Variants in GALNT17 observed in about 807,000 individuals in gnomAD.
The protein encoded by GALNT17 is UDP-GalNAc:polypeptide N-acetylgalactosaminyltransferase-like 3.
Under a neutral mutation model 63.7 loss-of-function variants are expected in GALNT17, and 29 were observed. The observed-to-expected ratio is 0.46, with a 90% confidence interval of 0.34 to 0.62. The LOEUF (loss-of-function observed/expected upper bound fraction) is 0.62. GALNT17 is among the 20% of genes least tolerant of loss of function. The pLI, the probability that GALNT17 is intolerant of heterozygous loss-of-function variation, is 0.01. For missense variants in GALNT17, 603 were observed against 799.6 expected, an observed-to-expected ratio of 0.75 and a Z score of 2.97; for synonymous variants, 305 against 318.3, an observed-to-expected ratio of 0.96 and a Z score of 0.45.
intron 5 of GALNT17, among the ~76,000 whole-genome samples, chr7:71,514,126 T>C (rs1467914432): frequency 6.6e-6 from 1 of 151,972 alleles, no homozygotes; most frequent in African/African-American, 2.4e-5. Context: ...GCCCAGGAGG[T>C]CAAGGATGCA....
intron 3 of GALNT17, among the ~76,000 whole-genome samples, chr7:71,400,072 TG>T (rs1793212830): frequency 6.6e-6 from 1 of 152,186 alleles, no homozygotes; most frequent in Non-Finnish European, 1.5e-5. Context: ...CATGGTGGTT[TG>T]CTGCACCCAT....
chr7:71,508,474 G>C (rs1788301504), intron 5 of GALNT17, among the ~76,000 whole-genome samples: 1 of 152,156 alleles, frequency 6.6e-6, no homozygotes, highest in South Asian at 2.1e-4. Context: ...TGGCTAAACA[G>C]TGAGAGCATT....
intron 5 of GALNT17, among the ~76,000 whole-genome samples, chr7:71,549,852 G>T (rs936244293): frequency 2.0e-5 from 3 of 151,870 alleles, no homozygotes; most frequent in Non-Finnish European, 4.4e-5. Context: ...GAGGTTCTGA[G>T]AGAAAGTAGA....
At chr7:71,350,433 C>T (rs1792169606) in intron 2 of GALNT17, among the ~76,000 whole-genome samples, 1 of 151,984 alleles carries the variant, frequency 6.6e-6, no homozygotes, top group South Asian at 2.1e-4. Context: ...TGCTAACATA[C>T]ATCTGACCCT....
chr7:71,566,973 G>A (rs930911466), intron 5 of GALNT17, among the ~76,000 whole-genome samples: 2 of 152,158 alleles, frequency 1.3e-5, no homozygotes, highest in Non-Finnish European at 2.9e-5. Context: ...AACTGCTCAC[G>A]GTGGCGGCCT....
At chr7:71,653,900 A>G (rs1306571786) in intron 6 of GALNT17, among the ~76,000 whole-genome samples, 1 of 152,256 alleles carries the variant, frequency 6.6e-6, no homozygotes, top group Admixed American at 6.5e-5. Flanking sequence ...CACTGTGGTC[A>G]GAGTTCAGTC....
chr7:71,367,652 C>T (rs1792539467), intron 2 of GALNT17, among the ~76,000 whole-genome samples: 1 of 148,058 alleles, frequency 6.8e-6, no homozygotes, highest in Non-Finnish European at 1.5e-5. Flanking sequence ...ACTGGTCTCA[C>T]TAGCCACTGA....
At chr7:71,447,061 A>C (rs918462293) in intron 5 of GALNT17, among the ~76,000 whole-genome samples, 3 of 152,176 alleles carry the variant, frequency 2.0e-5, no homozygotes, top group Non-Finnish European at 2.9e-5. Context: ...CACACCAGCC[A>C]AATCTTCAGT....
intron 1 of GALNT17, among the ~76,000 whole-genome samples, chr7:71,309,738 G>T (rs1791379487): frequency 6.6e-6 from 1 of 152,122 alleles, no homozygotes; most frequent in African/African-American, 2.4e-5. Context: ...GGATGAATTT[G>T]GGGTCATGTA....
At chr7:71,363,113 C>T (rs944952505) in intron 2 of GALNT17, among the ~76,000 whole-genome samples, 8 of 152,038 alleles carry the variant, frequency 5.3e-5, no homozygotes, top group East Asian at 1.9e-4. Flanking sequence ...ATTGCAGGCA[C>T]GCACCACGAT....
chr7:71,395,552 A>G (rs1213767556), intron 3 of GALNT17, among the ~76,000 whole-genome samples: 1 of 152,236 alleles, frequency 6.6e-6, no homozygotes, highest in Non-Finnish European at 1.5e-5. Flanking sequence ...ATGAATATTC[A>G]TGTACACATT....
chr7:71,216,553 A>G (rs947492649), intron 1 of GALNT17, among the ~76,000 whole-genome samples: 4 of 151,780 alleles, frequency 2.6e-5, no homozygotes, highest in Non-Finnish European at 4.4e-5. Context: ...TATTATACAT[A>G]TGTAACACAC....
chr7:71,508,342 G>A (rs551429490), intron 5 of GALNT17, among the ~76,000 whole-genome samples: 1 of 152,184 alleles, frequency 6.6e-6, no homozygotes, highest in Non-Finnish European at 1.5e-5. Flanking sequence ...TTGGCAGCTT[G>A]GAAATATTAG....
chr7:71,543,022 T>TA, intron 5 of GALNT17, among the ~76,000 whole-genome samples: 1 of 125,124 alleles, frequency 8.0e-6, no homozygotes, highest in East Asian at 2.1e-4. Context: ...CTTTAGTGTT[T>TA]AGTTTGACCT....
intron 1 of GALNT17, among the ~76,000 whole-genome samples, chr7:71,159,069 T>G (rs1298743668): frequency 5.9e-5 from 9 of 151,748 alleles, no homozygotes; most frequent in Non-Finnish European, 1.0e-4. Context: ...ACCCTCTGTC[T>G]TTTTTCTCAC....
intron 2 of GALNT17, among the ~76,000 whole-genome samples, chr7:71,343,067 CTG>C (rs1792033762): frequency 6.6e-6 from 1 of 152,184 alleles, no homozygotes; most frequent in East Asian, 1.9e-4. Context: ...ACCAGAGAGA[CTG>C]TTGTAAATTC....
chr7:71,526,980 G>C (rs1342522599), intron 5 of GALNT17, among the ~76,000 whole-genome samples: 1 of 152,154 alleles, frequency 6.6e-6, no homozygotes, highest in African/African-American at 2.4e-5. Context: ...TGCCTTACTA[G>C]TTACTAAATT....
At chr7:71,203,590 A>T (rs370443969) in intron 1 of GALNT17, among the ~76,000 whole-genome samples, 30 of 152,218 alleles carry the variant, frequency 2.0e-4, no homozygotes, top group East Asian at 9.6e-4. Flanking sequence ...ACATGGCTAT[A>T]AAGAAATACC....
At chr7:71,596,568 T>C (rs1584078633) in intron 6 of GALNT17, among the ~76,000 whole-genome samples, 1 of 152,018 alleles carries the variant, frequency 6.6e-6, no homozygotes, top group East Asian at 1.9e-4. Context: ...TGTGGAGATG[T>C]TTCTTCAGTT....
Sources: allele counts gnomAD v4.1 joint callset (sites outside exome capture counted in the v4.1 genomes callset), GRCh38; gene constraint gnomAD v4.1.1; transcripts MANE v1.5; gene names NCBI Gene and HGNC (gene_info 2026-07-23, HGNC 2026-07-21).